Variants in TNS1 observed in about 807,000 individuals in gnomAD.
The protein encoded by TNS1 is tensin-1.
TNS1 carries 62 observed loss-of-function variants against 168.6 expected under a neutral mutation model. The observed-to-expected ratio is 0.37, with a 90% confidence interval of 0.30 to 0.45. The LOEUF is 0.45. Ranked by LOEUF, TNS1 falls within the 20% of genes least tolerant of loss-of-function variation. The probability of loss-of-function intolerance (pLI) is 1.00; values close to 1 mark genes in which losing one functional copy is unlikely to be tolerated. For missense variants in TNS1, 2,240 were observed against 2,339.4 expected (o/e 0.96, Z 0.88); for synonymous variants, 934 against 933.2 (o/e 1.00, Z -0.02).
intron 32 of TNS1, among the ~76,000 whole-genome samples, chr2:217,805,410 T>C (rs1160216260): frequency 4.7e-5 from 1 of 21,100 alleles, no homozygotes; most frequent in Non-Finnish European, 1.1e-4. Context: ...TGTGTGCCTG[T>C]GTGTACAAAC....
At chr2:218,004,086 C>A (rs1459106856), upstream of TNS1, among the ~76,000 whole-genome samples, 2 of 152,218 alleles carry the variant, frequency 1.3e-5, no homozygotes, top group Non-Finnish European at 2.9e-5. Flanking sequence ...GCTGGACCAA[C>A]TGAGGGTGGG....
chr2:217,991,862 G>C (rs777703969), intron 1 of TNS1, among the ~76,000 whole-genome samples: 7 of 151,764 alleles, frequency 4.6e-5, no homozygotes, highest in Non-Finnish European at 8.8e-5. Context: ...TGAAAACACA[G>C]AGATGTGACT....
intron 1 of TNS1, among the ~76,000 whole-genome samples, chr2:218,031,850 C>G (rs1043935686): frequency 1.3e-5 from 2 of 152,178 alleles, no homozygotes; most frequent in Non-Finnish European, 2.9e-5. Context: ...CAGTAGTTCT[C>G]CGGGCTGAAA....
rs373817978 is a variant in TNS1 at position 217,894,999 on chromosome 2, G to A, written c.594+7C>T. On this transcript the variant is annotated splice_region_variant and intron_variant, in intron 9 of 32. Transcript: ENST00000682258. ...CCTCCCCTACCCCAAAACAGCCCCT[G>A]GCTCACCTTGGCATGGAGCTTCGTG... 61 of 1,612,698 alleles carry A rather than the reference G, an allele frequency of 3.8e-5. No individual in the cohort carries two copies. The highest frequency in any genetic ancestry group is 5.2e-5 in the Non-Finnish European group (61 of 1,179,604).
upstream of TNS1, among the ~76,000 whole-genome samples, chr2:218,005,180 G>A (rs997491977): frequency 2.0e-5 from 3 of 152,238 alleles, no homozygotes; most frequent in Non-Finnish European, 2.9e-5. Context: ...CACTGCTGGC[G>A]TCACTGAAGA....
intron 3 of TNS1, among the ~76,000 whole-genome samples, chr2:217,953,655 G>T (rs1054918664): frequency 5.7e-4 from 87 of 152,210 alleles, no homozygotes; most frequent in African/African-American, 1.9e-3. Context: ...GTGCCAAAGA[G>T]CCCGCTCCCA....
upstream of TNS1, among the ~76,000 whole-genome samples, chr2:218,006,007 C>T (rs1342318427): frequency 6.6e-6 from 1 of 152,180 alleles, no homozygotes; most frequent in Non-Finnish European, 1.5e-5. Flanking sequence ...ACATGGAGTA[C>T]ACACTGGAGG....
At chr2:217,936,546 G>C (rs1234425453) in intron 3 of TNS1, among the ~76,000 whole-genome samples, 1 of 152,110 alleles carries the variant, frequency 6.6e-6, no homozygotes, top group Non-Finnish European at 1.5e-5. Flanking sequence ...TTTGAACATA[G>C]GATTCCAGGA....
chr2:217,944,431 C>A (rs1559381056), intron 3 of TNS1, among the ~76,000 whole-genome samples: 1 of 152,112 alleles, frequency 6.6e-6, no homozygotes, highest in Admixed American at 6.5e-5. Flanking sequence ...AGAGAAATGG[C>A]CAAAGGGCTT....
chr2:217,871,168 C>T (rs896405321), intron 18 of TNS1, among the ~76,000 whole-genome samples: 8 of 152,244 alleles, frequency 5.3e-5, no homozygotes, highest in African/African-American at 1.9e-4. Flanking sequence ...CTGATTCACC[C>T]TCTCACAGTT....
At chr2:217,854,280 C>G (rs549015025) in intron 18 of TNS1, among the ~76,000 whole-genome samples, 1 of 152,134 alleles carries the variant, frequency 6.6e-6, no homozygotes, top group African/African-American at 2.4e-5. Flanking sequence ...ACGGCCCAAC[C>G]ATGAAGAATA....
At chr2:218,031,052 GCA>G (rs1958888512) in intron 1 of TNS1, among the ~76,000 whole-genome samples, 2 of 150,784 alleles carry the variant, frequency 1.3e-5, no homozygotes, top group African/African-American at 4.9e-5. Context: ...GAGCATGTGA[GCA>G]TATGTGTGAG....
intron 16 of TNS1, among the ~76,000 whole-genome samples, chr2:217,884,703 G>GA (rs138597623): frequency 0.045 from 6,735 of 148,802 alleles, 518 homozygotes; most frequent in African/African-American, 0.15. Flanking sequence ...AGTGAATGTT[G>GA]AAAAAAAAAA....
chr2:217,818,621 G>C lies in TNS1; in HGVS notation c.3711C>G (p.Ser1237Arg). ...PSPSAQRNYQ[S>R]SSPLPTVGSS... ...TGCCCACAGTCGGGAGAGGAGAAGA[G>C]CTCTGGTAGTTTCTCTGGGCAGACG... is the stretch of plus-strand genomic sequence containing the variant. Residue 1237 changes from serine (S) to arginine (R), a missense_variant, in exon 24 of 33, where the codon AGC becomes AGG. Coordinates refer to ENST00000682258, the MANE Select transcript of TNS1 (RefSeq NM_001387777.1). The C allele has an allele frequency of 6.2e-7, 1 of 1,614,218 alleles. No individual in the cohort carries two copies. Among genetic ancestry groups the C allele is most frequent in the South Asian group, 1.1e-5 (1 of 91,090 alleles).
Position 217,847,800 on chromosome 2 carries a change from C to G in TNS1, c.2717G>C (p.Arg906Pro), listed in dbSNP as rs772107236. 1.2e-5 allele frequency: 20 copies of G among 1,602,120 alleles called. No homozygotes were observed. The South Asian group carries it at 2.1e-4, about 17-fold the overall frequency. ...AGGAGGGACAGACTCCAGAGAGGCC[C>G]GTGGGGCTGGCTCAGGGGTTCCCAA... is the stretch of plus-strand genomic sequence containing the variant. Reference protein sequence around the residue: ...HSLGTPEPAPRASLESVPPGR... With the variant: ...HSLGTPEPAPPASLESVPPGR... The change falls in exon 19 of 33, where the codon CGG becomes CCG. Residue 906 changes from arginine (R) to proline (P), a missense_variant. Coordinates refer to ENST00000682258, the MANE Select transcript of TNS1 (RefSeq NM_001387777.1).
At chr2:217,853,202 A>AGAGAGAC (rs1358022158) in intron 18 of TNS1, among the ~76,000 whole-genome samples, 1 of 152,190 alleles carries the variant, frequency 6.6e-6, no homozygotes, top group African/African-American at 2.4e-5. Context: ...GAAGGGCAAA[A>AGAGAGAC]GAGAGACGGG....
chr2:217,822,958 AG>A (rs1393550378), intron 22 of TNS1, among the ~76,000 whole-genome samples: 7 of 152,336 alleles, frequency 4.6e-5, no homozygotes, highest in African/African-American at 1.4e-4. Context: ...CTTACCCAGG[AG>A]GAACCTGGCC....
At chr2:217,884,070 TC>T (rs1271813694) in intron 16 of TNS1, among the ~76,000 whole-genome samples, 1 of 144,116 alleles carries the variant, frequency 6.9e-6, no homozygotes, top group Non-Finnish European at 1.5e-5. Context: ...TTCTTTCTGT[TC>T]ATATCTATAG....
intron 6 of TNS1, 37 bp downstream of exon 6, chr2:217,906,291 CACCAGGG>C: frequency 1.5e-6 from 1 of 686,490 alleles, no homozygotes; most frequent in Non-Finnish European, 2.7e-6. Context: ...TCCCCCTGGC[CACCAGGG>C]CCCAGCCCCA....
Sources: gnomAD v4.1 joint callset for allele counts (sites outside exome capture counted in the v4.1 genomes callset) on GRCh38, gnomAD v4.1.1 for gene constraint, MANE v1.5 for transcripts, NCBI Gene and HGNC (gene_info 2026-07-23, HGNC 2026-07-21) for gene names.